CTNNA3: variants seen among roughly 807,000 people sequenced by gnomAD.
CTNNA3 encodes the protein catenin alpha-3.
Under a neutral mutation model 95.7 loss-of-function variants are expected in CTNNA3, and 76 were observed. The ratio of observed to expected loss-of-function variants is 0.79; its 90% CI spans 0.66 to 0.96. The LOEUF (loss-of-function observed/expected upper bound fraction) is 0.96, where lower values mean the gene tolerates loss of function less well. Ranked by LOEUF, CTNNA3 falls within the 40% of genes least tolerant of loss-of-function variation. The probability of loss-of-function intolerance (pLI) is 0.00; values close to 1 mark genes in which losing one functional copy is unlikely to be tolerated. For synonymous variants in CTNNA3, 431 were observed against 374.4 expected, an observed-to-expected ratio of 1.15 and a Z score of -1.74; for missense variants, 1,191 against 1,089.8, an observed-to-expected ratio of 1.09 and a Z score of -1.31.
intron 12 of CTNNA3, among the ~76,000 whole-genome samples, chr10:66,360,596 CTT>C (rs2092646707): frequency 2.2e-4 from 21 of 94,176 alleles, no homozygotes; most frequent in Admixed American, 4.6e-4. Context: ...GTATTCTTTC[CTT>C]CTTTCTTTCT....
At chr10:67,113,593 A>G (rs1859016151) in intron 7 of CTNNA3, among the ~76,000 whole-genome samples, 1 of 152,156 alleles carries the variant, frequency 6.6e-6, no homozygotes, top group East Asian at 1.9e-4. Flanking sequence ...ATTTCTCAAC[A>G]ATTTTTGTTT....
At chr10:67,027,989 G>A (rs1224391313) in intron 7 of CTNNA3, among the ~76,000 whole-genome samples, 1 of 152,054 alleles carries the variant, frequency 6.6e-6, no homozygotes, top group Non-Finnish European at 1.5e-5. Context: ...ACAACCCTGT[G>A]AAGCAAGTAA....
intron 7 of CTNNA3, among the ~76,000 whole-genome samples, chr10:66,814,083 C>T (rs1043295381): frequency 7.9e-5 from 12 of 151,948 alleles, no homozygotes; most frequent in South Asian, 4.2e-4. Flanking sequence ...TATAAGGTTG[C>T]TAAACCAAGA....
chr10:65,992,745 G>A (rs1385373628), intron 15 of CTNNA3, among the ~76,000 whole-genome samples: 1 of 151,704 alleles, frequency 6.6e-6, no homozygotes, highest in Non-Finnish European at 1.5e-5. Flanking sequence ...ATTTAGTTCT[G>A]TTCTTATCTT....
chr10:66,488,349 C>T (rs950215965), intron 11 of CTNNA3, among the ~76,000 whole-genome samples: 5 of 152,092 alleles, frequency 3.3e-5, no homozygotes, highest in Non-Finnish European at 4.4e-5. Flanking sequence ...GCTATCTTTG[C>T]GATAGTCTAA....
intron 13 of CTNNA3, among the ~76,000 whole-genome samples, chr10:66,128,024 A>G (rs2082906184): frequency 6.6e-6 from 1 of 152,166 alleles, no homozygotes. Flanking sequence ...GTGAGCTGAG[A>G]TCACACCACT....
intron 14 of CTNNA3, among the ~76,000 whole-genome samples, chr10:66,080,719 C>T (rs749781717): frequency 9.9e-5 from 15 of 152,050 alleles, no homozygotes; most frequent in Middle Eastern, 3.4e-3. Context: ...TCTGCTGAAG[C>T]GAAGTGAAGG....
At chr10:67,725,651 A>C (rs1043891239) in intron 1 of CTNNA3, among the ~76,000 whole-genome samples, 4 of 151,850 alleles carry the variant, frequency 2.6e-5, no homozygotes, top group African/African-American at 7.3e-5. Flanking sequence ...GGAGGGAAAA[A>C]ATAAAGAGAT....
At chr10:66,008,013 G>A (rs1380141291) in intron 15 of CTNNA3, among the ~76,000 whole-genome samples, 2 of 151,918 alleles carry the variant, frequency 1.3e-5, no homozygotes, top group East Asian at 3.9e-4. Context: ...TCTGAAAATA[G>A]GCCTCAACGT....
At chr10:66,651,800 G>GGCCCTTGATCGCGGAACACAGCAGC (rs138035312) in intron 9 of CTNNA3, among the ~76,000 whole-genome samples, 1 of 151,348 alleles carries the variant, frequency 6.6e-6, no homozygotes, top group East Asian at 2.0e-4. Flanking sequence ...AACCCGCATT[G>GGCCCTTGATCGCGGAACACAGCAGC]GCCGGTTCCC....
chr10:66,318,227 T>A (rs1368204976), intron 12 of CTNNA3, among the ~76,000 whole-genome samples: 6 of 151,148 alleles, frequency 4.0e-5, no homozygotes, highest in Admixed American at 1.3e-4. Flanking sequence ...TGGAATCAGC[T>A]GAGTAAGATC....
chr10:67,483,427 C>T (rs565985750), intron 5 of CTNNA3, among the ~76,000 whole-genome samples: 3,353 of 149,120 alleles, frequency 0.022, 48 homozygotes, highest in Non-Finnish European at 0.032. Context: ...CCATGGAATA[C>T]TATGCAGCCA....
chr10:66,772,118 C>T (rs1348583474), intron 8 of CTNNA3, among the ~76,000 whole-genome samples: 1 of 152,068 alleles, frequency 6.6e-6, no homozygotes, highest in Non-Finnish European at 1.5e-5. Context: ...CAAGTAGATT[C>T]TTTCATCAGA....
intron 13 of CTNNA3, among the ~76,000 whole-genome samples, chr10:66,191,367 A>T (rs908440609): frequency 2.0e-5 from 3 of 152,112 alleles, no homozygotes; most frequent in African/African-American, 7.2e-5. Flanking sequence ...GTAAACACAT[A>T]CCTCAGGGAG....
intron 12 of CTNNA3, among the ~76,000 whole-genome samples, chr10:66,320,411 TC>T (rs1198084511): frequency 6.6e-6 from 1 of 152,124 alleles, no homozygotes; most frequent in African/African-American, 2.4e-5. Context: ...TTAATATATG[TC>T]AGTGTTACCA....
intron 5 of CTNNA3, among the ~76,000 whole-genome samples, chr10:67,285,778 C>T (rs1440082513): frequency 2.6e-5 from 4 of 152,040 alleles, no homozygotes; most frequent in Non-Finnish European, 4.4e-5. Context: ...TACAAAGGTT[C>T]CTACAGGCAG....
chr10:67,625,612 C>T (rs57913056), intron 2 of CTNNA3, among the ~76,000 whole-genome samples: 5,403 of 152,252 alleles, frequency 0.035, 96 homozygotes, highest in Middle Eastern at 0.078. Context: ...CTATCTTATT[C>T]GTACCTATTT....
At chr10:67,635,695 C>A (rs755627433) in intron 2 of CTNNA3, among the ~76,000 whole-genome samples, 6 of 152,064 alleles carry the variant, frequency 3.9e-5, no homozygotes, top group Non-Finnish European at 8.8e-5. Context: ...CTATGACAAA[C>A]CCACAGCCAA....
chr10:66,142,523 T>C (rs2083672302), intron 13 of CTNNA3, among the ~76,000 whole-genome samples: 1 of 152,122 alleles, frequency 6.6e-6, no homozygotes, highest in Non-Finnish European at 1.5e-5. Context: ...TCAAGTCATT[T>C]TGTCAATAAA....
Sources: gnomAD v4.1 joint callset for allele counts (sites outside exome capture counted in the v4.1 genomes callset) on GRCh38, gnomAD v4.1.1 for gene constraint, MANE v1.5 for transcripts, NCBI Gene and HGNC (gene_info 2026-07-23, HGNC 2026-07-21) for gene names.